Variants in KIAA0753 observed in about 807,000 individuals in gnomAD.
The protein encoded by KIAA0753 is protein moonraker.
In KIAA0753, 114 loss-of-function variants were observed where a neutral mutation model predicts 116.9. The observed-to-expected ratio is 0.98, with a 90% CI of 0.84 to 1.14. KIAA0753 has a LOEUF of 1.14. Ranked by LOEUF, KIAA0753 falls within the 50% of genes most tolerant of loss-of-function variation. The pLI is 0.00. For synonymous variants in KIAA0753, 405 were observed against 413.1 expected (o/e 0.98, Z 0.24); for missense variants, 1,156 against 1,172.4 (o/e 0.99, Z 0.20).
At chr17:6,624,909 T>C (rs915666892) in intron 3 of KIAA0753, 48 bp from the exon 4 acceptor site, 2 of 1,237,458 alleles carry the variant, frequency 1.6e-6, no homozygotes, top group Non-Finnish European at 1.2e-6. Flanking sequence ...AAACCATATA[T>C]TAAAACTTAC....
At position 6,596,232 on chromosome 17, in the gene KIAA0753, T is replaced by C; in HGVS notation, c.2284A>G (p.Thr762Ala). The change falls in exon 15 of 19, where the codon ACC becomes GCC. Residue 762 changes from threonine to alanine, a missense_variant. By Grantham distance (58) the Thr-to-Ala change is moderately conservative. Coordinates refer to ENST00000361413, the MANE Select transcript of KIAA0753 (RefSeq NM_014804.3). ...TTGCTGTCCTCAACGGTGGCTAAGG[T>C]TTCAGACCCCAAGATCTTAGCATGA... ...VTHAKILGSE[T>A]LATVEDSKDS... 1 of 1,613,734 alleles carries C rather than the reference T, an allele frequency of 6.2e-7. No individual in the cohort carries two copies. Among genetic ancestry groups the C allele is most frequent in the Non-Finnish European group, 8.5e-7 (1 of 1,179,826 alleles).
Position 6,624,837 on chromosome 17 carries a change from G to A in KIAA0753, c.743C>T (p.Pro248Leu). 6.4e-7 allele frequency: 1 copy of A among 1,559,466 alleles called. No individual in the cohort carries two copies. The highest frequency in any genetic ancestry group is 8.7e-7 in the Non-Finnish European group (1 of 1,149,830). Reference protein sequence around the residue: ...KKDRLEEALDPDEERRIRIRR... With the variant: ...KKDRLEEALDLDEERRIRIRR... Reference sequence around the variant, plus strand: ...GATACGGATTCGACGTTCTTCATCTGGATCCAAAGCTTCTTCTAGTCTATC... The same window carrying A: ...GATACGGATTCGACGTTCTTCATCTAGATCCAAAGCTTCTTCTAGTCTATC... Residue 248 changes from proline (P) to leucine (L), a missense_variant, in exon 4 of 19, where the codon CCA becomes CTA. By Grantham distance (98) the Pro-to-Leu change is moderately conservative. Coordinates refer to ENST00000361413, the MANE Select transcript of KIAA0753 (RefSeq NM_014804.3).
chr17:6,585,397 C>T (rs976429227), intron 18 of KIAA0753, among the ~76,000 whole-genome samples: 2 of 152,188 alleles, frequency 1.3e-5, no homozygotes, highest in African/African-American at 4.8e-5. Flanking sequence ...AACTGATGAA[C>T]CCTTTCAATC....
chr17:6,609,036 C>A (rs529269559), intron 9 of KIAA0753, among the ~76,000 whole-genome samples: 2 of 152,266 alleles, frequency 1.3e-5, no homozygotes, highest in East Asian at 3.9e-4. Flanking sequence ...AGTCAGAAGA[C>A]CTGATTTTAG....
At chr17:6,609,079 C>A (rs1266175563) in intron 9 of KIAA0753, among the ~76,000 whole-genome samples, 1 of 152,204 alleles carries the variant, frequency 6.6e-6, no homozygotes, top group Non-Finnish European at 1.5e-5. Flanking sequence ...ACATTAAATT[C>A]TCTAAACATT....
At chr17:6,619,389 A>G (rs900034902) in intron 7 of KIAA0753, among the ~76,000 whole-genome samples, 1 of 152,136 alleles carries the variant, frequency 6.6e-6, no homozygotes, top group Non-Finnish European at 1.5e-5. Flanking sequence ...TAATTCAGCT[A>G]TAAATCTATA....
intron 9 of KIAA0753, 30 bp downstream of exon 9, chr17:6,609,964 A>C: frequency 6.2e-7 from 1 of 1,611,082 alleles, no homozygotes; most frequent in Non-Finnish European, 8.5e-7. Flanking sequence ...AGCATCACAT[A>C]CACAAACGGT....
chr17:6,580,600 G>A (rs1327360863), intron 18 of KIAA0753, among the ~76,000 whole-genome samples: 2 of 152,136 alleles, frequency 1.3e-5, no homozygotes, highest in Admixed American at 6.5e-5. Flanking sequence ...ACAGGCATGA[G>A]CCACTGTGCC....
At chr17:6,633,938 G>T (rs751606697) in intron 2 of KIAA0753, among the ~76,000 whole-genome samples, 1 of 152,010 alleles carries the variant, frequency 6.6e-6, no homozygotes, top group African/African-American at 2.4e-5. Flanking sequence ...TAACAGAAAT[G>T]ATCTGTATCT....
At chr17:6,609,954 A>C (rs1246071211) in intron 9 of KIAA0753, 40 bp downstream of exon 9, 6 of 1,602,352 alleles carry the variant, frequency 3.7e-6, no homozygotes, top group Non-Finnish European at 5.1e-6. Flanking sequence ...GAGGAAAAAG[A>C]GCATCACATA....
At chr17:6,621,133 T>A (rs1971294931) in intron 6 of KIAA0753, 135 bp from the exon 7 acceptor site, 1 of 736,724 alleles carries the variant, frequency 1.4e-6, no homozygotes, top group Non-Finnish European at 2.2e-6. Context: ...CAATCTTAAT[T>A]AAAACATGTT....
chr17:6,629,808 C>A (rs188385233), intron 2 of KIAA0753, among the ~76,000 whole-genome samples: 13 of 152,186 alleles, frequency 8.5e-5, no homozygotes, highest in Non-Finnish European at 4.4e-5. Context: ...GGAAGTATTT[C>A]GGATTTTTAA....
At chr17:6,636,640 T>C (rs1972342404) in intron 1 of KIAA0753, 1 of 152,234 alleles carries the variant, frequency 6.6e-6, no homozygotes, top group South Asian at 2.1e-4. Flanking sequence ...TCCCTCTACA[T>C]ACCCTGGGGC....
rs1375913607 is a variant in KIAA0753 at position 6,607,407 on chromosome 17, A to G, written c.1830-137T>C. ...GCTCTATTAAGCTACTCAGTAGGTA[A>G]CATAATCTCTCCGTACCCCTAAAGC... is the stretch of plus-strand genomic sequence containing the variant. On this transcript the variant is annotated intron_variant, in intron 10 of 18. Transcript: ENST00000361413. 5 of 658,620 alleles carry G rather than the reference A, an allele frequency of 7.6e-6. No individual in the cohort carries two copies. In the Admixed American group the frequency reaches 1.0e-4, roughly 14 times the overall value. The allele number at this position is 658,620 out of a possible 1,614,324, so 40.8% of individuals were successfully genotyped here.
intron 9 of KIAA0753, among the ~76,000 whole-genome samples, chr17:6,609,769 G>A (rs2150828685): frequency 6.6e-6 from 1 of 152,212 alleles, no homozygotes; most frequent in Middle Eastern, 3.4e-3. Context: ...CCGGTGTTGG[G>A]GTGGCCCATG....
intron 12 of KIAA0753, among the ~76,000 whole-genome samples, chr17:6,604,303 A>G (rs1398162949): frequency 6.6e-6 from 1 of 151,370 alleles, no homozygotes; most frequent in African/African-American, 2.4e-5. Flanking sequence ...GTGCAGTGAC[A>G]TGATCATGGC....
At chr17:6,606,834 G>A (rs751942182) in intron 12 of KIAA0753, 39 bp downstream of exon 12, 2 of 1,542,956 alleles carry the variant, frequency 1.3e-6, no homozygotes, top group Non-Finnish European at 1.8e-6. Flanking sequence ...ATTAGAACAG[G>A]CAAACATCCA....
At chr17:6,631,602 G>A (rs1972025739) in intron 2 of KIAA0753, among the ~76,000 whole-genome samples, 1 of 152,156 alleles carries the variant, frequency 6.6e-6, no homozygotes, top group South Asian at 2.1e-4. Context: ...GAGAAAGAAA[G>A]AAACAGGAAG....
chr17:6,607,831 C>A (rs1399396223), intron 10 of KIAA0753, among the ~76,000 whole-genome samples: 1 of 152,168 alleles, frequency 6.6e-6, no homozygotes, highest in Non-Finnish European at 1.5e-5. Context: ...AATGTTCTCA[C>A]CTCATCTCCC....
Sources: gnomAD v4.1 joint callset for allele counts (sites outside exome capture counted in the v4.1 genomes callset) on GRCh38, gnomAD v4.1.1 for gene constraint, MANE v1.5 for transcripts, NCBI Gene and HGNC (gene_info 2026-07-23, HGNC 2026-07-21) for gene names.